The following AWAT2 variants were observed in gnomAD, a reference collection of about 807,000 sequenced individuals.
The protein encoded by AWAT2 is 11-cis-RE-synthase.
A neutral mutation model predicts 22.3 loss-of-function variants in AWAT2; 9 were observed. That is an observed-to-expected ratio of 0.40 (90% CI 0.24 to 0.70). The LOEUF is 0.70. Among genes scored for constraint, AWAT2 ranks in the 30% least tolerant of loss-of-function variants. The pLI is 0.36. For missense variants in AWAT2, 217 were observed against 265.9 expected, an observed-to-expected ratio of 0.82 and a Z score of 1.28; for synonymous variants, 100 against 93.4, an observed-to-expected ratio of 1.07 and a Z score of -0.40.
rs1006041919 is a variant in AWAT2 at position 70,049,868 on chromosome X, G to A, written c.65C>T (p.Ser22Phe). ...CTCACTGATAAGCAAGGCACTGAAG[G>A]ACCACTGGAAAACAGCAAAGACATC... ...ALDVFAVFQW[S>F]FSALLITTTV... Residue 22 changes from serine to phenylalanine, a missense_variant, in exon 1 of 8, where the codon TCC (serine) becomes TTC (phenylalanine). Physicochemically the swap from Ser to Phe is radical, Grantham distance 155. Transcript: ENST00000276101. The A allele has an allele frequency of 8.3e-7, 1 of 1,211,640 alleles. No individual in the cohort carries two copies. The highest frequency in any genetic ancestry group is 1.1e-6 in the Non-Finnish European group (1 of 895,489).
chrX:70,046,531 A>T lies in AWAT2; in HGVS notation c.86-2069T>A, dbSNP rs923281877. On this transcript the variant is annotated intron_variant, in intron 1 of 7. Coordinates refer to ENST00000276101, the MANE Select transcript of AWAT2 (RefSeq NM_001002254.1). ...GCAGTTCTTGTGCCTCAACCTCCCC[A>T]GTAGCTAGGATTACAGGTGCACGCC... Among the ~76,000 whole-genome samples the T allele has an allele frequency of 2.8e-5, 3 of 109,008 alleles. No homozygotes were observed. The Admixed American group carries it at 2.9e-4, about 11-fold the overall frequency. The allele number at this position is 109,008 out of a possible 115,157, so 94.7% of individuals were successfully genotyped here. A position where few individuals can be genotyped will look rare whatever the true frequency, so the allele number is the denominator to read the frequency against.
Position 70,043,335 on chromosome X carries a change from G to GCCT in AWAT2, c.473-95_473-93dup. 3.9e-6 allele frequency: 4 copies of GCCT among 1,038,041 alleles called. No individual in the cohort carries two copies. The South Asian group carries it at 9.0e-5, about 23-fold the overall frequency. The allele number at this position is 1,038,041 out of a possible 1,213,427, so 85.5% of individuals were successfully genotyped here. ...CTTCAAAGGAGGGGGAGTGCAAGGA[G>GCCT]CCTAACATCAGGCAGGTGAGCCTAT... On this transcript the variant is annotated intron_variant, in intron 4 of 7. Transcript: ENST00000276101.
rs1175076707 is a variant in AWAT2, at chrX:70,042,338, A to G, written c.696T>C (p.Asp232=). 1 of 1,212,152 alleles carries G rather than the reference A, an allele frequency of 8.2e-7. No individual in the cohort carries two copies. The highest frequency in any genetic ancestry group is 3.0e-5 in the East Asian group (1 of 33,849). ...AGCCACCAGGAGTGAAAATGTGCTG[A>G]TCATAGAGGTCCGTCTCCCCAAAGG... The part of the protein sequence containing the change: ...AYAFGETDLY[D]QHIFTPGGFV... Residue 232 remains aspartate, a synonymous_variant, in exon 6 of 8, where the codon GAT becomes GAC. Transcript: ENST00000276101.
intron 4 of AWAT2, 74 bp downstream of exon 4, chrX:70,043,404 C>T: frequency 9.5e-7 from 1 of 1,047,485 alleles, no homozygotes; most frequent in Non-Finnish European, 1.3e-6. Context: ...TGGCCTTGCT[C>T]TCACGCATCC....
At chrX:70,042,466 TC>T (rs1272179177) in intron 5 of AWAT2, 80 bp from the exon 6 acceptor site, 1 of 984,666 alleles carries the variant, frequency 1.0e-6, no homozygotes, top group Admixed American at 2.3e-5. Context: ...CGGCGCATGA[TC>T]CCTGGGTCTG....
At chrX:70,042,438 G>A (rs759857064) in intron 5 of AWAT2, 52 bp from the exon 6 acceptor site, 58 of 1,116,226 alleles carry the variant, frequency 5.2e-5, no homozygotes, top group Admixed American at 2.0e-4. Context: ...GGACCTTGTC[G>A]AATGCCAGAC....
chrX:70,044,108 C>T (rs2020348170), intron 2 of AWAT2, 112 bp from the exon 3 acceptor site: 2 of 921,883 alleles, frequency 2.2e-6, no homozygotes, highest in African/African-American at 3.9e-5. Flanking sequence ...CCAAGGTGGG[C>T]ATATCAGGGC....
rs753972356 is a variant in AWAT2, at chrX:70,043,619, G to T, written c.331C>A (p.Leu111Ile). The change falls in exon 4 of 8, where the codon CTC becomes ATC. Residue 111 changes from leucine to isoleucine, a missense_variant. Transcript: ENST00000276101. ...NYILVCHPHG[L>I]FAHGWFGHFA... is the part of the protein sequence containing the mutation. ...TGGCCAAACCATCCATGGGCAAAGA[G>T]CCCATGAGGGTGGCAGACGAGGATG... 5.8e-6 allele frequency: 7 copies of T among 1,209,337 alleles called. No homozygotes were observed.
chrX:70,044,761 C>T (rs892405129), intron 1 of AWAT2, among the ~76,000 whole-genome samples: 4 of 112,713 alleles, frequency 3.5e-5, no homozygotes, highest in African/African-American at 1.3e-4. Flanking sequence ...GCACTGGGCT[C>T]TGCCTGCAGT....
rs763203215 is a variant in AWAT2, at chrX:70,046,227, A to C, written c.86-1765T>G. Among the ~76,000 whole-genome samples, 247 of 112,006 alleles carry C rather than the reference A, an allele frequency of 2.2e-3. 1 individual carries two copies. The highest frequency in any genetic ancestry group is 7.6e-3 in the African/African-American group (234 of 30,895). ...TAGATAATAAAAGAAATGTAAAATG[A>C]AGCAATTAACTACAATTCATTTCAG... On this transcript the variant is annotated intron_variant, in intron 1 of 7. Coordinates refer to ENST00000276101, the MANE Select transcript of AWAT2 (RefSeq NM_001002254.1).
Position 70,043,762 on chromosome X carries a change from G to A in AWAT2, c.268-80C>T, listed in dbSNP as rs113463279. On this transcript the variant is annotated intron_variant, in intron 3 of 7. Transcript: ENST00000276101. ...TTGGGCAGAGATCTGAAAGGAAAAG[G>A]ACTGCTAGGTCTAGCCATGCAGGTT... 4.3e-3 allele frequency: 4,449 copies of A among 1,029,296 alleles called. 116 individuals carry two copies. In the African/African-American group the frequency reaches 0.073, roughly 17 times the overall value. The allele number at this position is 1,029,296 out of a possible 1,213,427, so 84.8% of individuals were successfully genotyped here. A position where few individuals can be genotyped will look rare whatever the true frequency, so the allele number is the denominator to read the frequency against.
At position 70,047,552 on chromosome X, in the gene AWAT2, G is replaced by T. The variant is rs187227385; in HGVS notation, c.85+2296C>A. Among the ~76,000 whole-genome samples the T allele has an allele frequency of 1.2e-3, 139 of 112,116 alleles. 1 individual carries two copies. The highest frequency in any genetic ancestry group is 1.6e-3 in the Non-Finnish European group (87 of 53,157). The stretch of plus-strand genomic sequence containing the variant: ...CTGTGATGTGATGAATCTTGGATCT[G>T]CCACTTACTGTGTGTGACCAAAGAC... On this transcript the variant is annotated intron_variant, in intron 1 of 7. Transcript: ENST00000276101.
At position 70,041,875 on chromosome X, in the gene AWAT2, C is replaced by T; in HGVS notation, c.935G>A (p.Arg312His). ...KYHTLYIDAL[R>H]KLFDQHKTKF... ...GGTCTTATGCTGGTCAAACAGTTTA[C>T]GTAGGGCATCAATATAGAGTGTGTG... The change falls in exon 7 of 8, where the codon CGT (arginine) becomes CAT (histidine). Residue 312 changes from arginine (R) to histidine (H), a missense_variant. Coordinates refer to ENST00000276101, the MANE Select transcript of AWAT2 (RefSeq NM_001002254.1). 2 of 1,209,939 alleles carry T rather than the reference C, an allele frequency of 1.7e-6. No homozygotes were observed. The highest frequency in any genetic ancestry group is 3.0e-5 in the East Asian group (1 of 33,811).
rs1254848414 is a variant in AWAT2, at chrX:70,041,758, T to G, written c.*35+15A>C. 3.4e-6 allele frequency: 4 copies of G among 1,178,580 alleles called. No individual in the cohort carries two copies. The Admixed American group carries it at 9.0e-5, about 27-fold the overall frequency. On this transcript the variant is annotated intron_variant, in intron 7 of 7. Transcript: ENST00000276101. ...GTGACTTTTGTCCTCCTGTTCTCAC[T>G]GGGTCCATCCATACCTTCCAGCCAG...
At chrX:70,042,429 G>A (rs2020333958) in intron 5 of AWAT2, 43 bp from the exon 6 acceptor site, 1 of 1,151,313 alleles carries the variant, frequency 8.7e-7, no homozygotes, top group African/African-American at 1.8e-5. Flanking sequence ...GAAAGGTAGG[G>A]ACCTTGTCGA....
chrX:70,046,362 A>G (rs1409993), intron 1 of AWAT2, among the ~76,000 whole-genome samples: 37,661 of 108,608 alleles, frequency 0.35, 5,135 homozygotes, highest in East Asian at 0.51. Flanking sequence ...ATGCTTCACT[A>G]TGAAATGTTA....
intron 1 of AWAT2, among the ~76,000 whole-genome samples, chrX:70,045,274 G>C (rs1302171893): frequency 3.6e-5 from 4 of 109,936 alleles, no homozygotes; most frequent in Non-Finnish European, 7.6e-5. Flanking sequence ...CAAGGAGAAA[G>C]AGAATTAATG....
chrX:70,048,623 A>T (rs139041178), intron 1 of AWAT2, among the ~76,000 whole-genome samples: 1,521 of 112,340 alleles, frequency 0.014, 29 homozygotes, highest in African/African-American at 0.047. Flanking sequence ...AAAAAGAAAT[A>T]CTAATTGCTG....
At position 70,041,938 on chromosome X, in the gene AWAT2, T is replaced by C; in HGVS notation, c.872A>G (p.Lys291Arg). Residue 291 changes from lysine to arginine, a missense_variant, in exon 7 of 8, where the codon AAG (lysine) becomes AGG (arginine). Lys to Arg is a conservative substitution (Grantham distance 26, BLOSUM62 2). Transcript: ENST00000276101. ...GATCTCCTGGCTTGGATTCTCAATC[T>C]TGGGCATTGGTAGAGGCTCCCCGAC... is the stretch of plus-strand genomic sequence containing the variant. Reference protein sequence around the residue: ...TIVGEPLPMPKIENPSQEIVA... With the variant: ...TIVGEPLPMPRIENPSQEIVA... 1 of 1,211,551 alleles carries C rather than the reference T, an allele frequency of 8.3e-7. No homozygotes were observed. The highest frequency in any genetic ancestry group is 1.1e-6 in the Non-Finnish European group (1 of 895,205).
Sources: gnomAD v4.1 joint callset for allele counts (sites outside exome capture counted in the v4.1 genomes callset) on GRCh38, gnomAD v4.1.1 for gene constraint, MANE v1.5 for transcripts, NCBI Gene and HGNC (gene_info 2026-07-23, HGNC 2026-07-21) for gene names.